The following GPHN variants were observed in gnomAD, a reference collection of about 807,000 sequenced individuals.
GPHN encodes the protein gephyrin.
GPHN carries 17 observed loss-of-function variants against 95.5 expected under a neutral mutation model. The observed-to-expected ratio is 0.18, with a 90% CI of 0.12 to 0.27. The LOEUF is 0.27. Among genes scored for constraint, GPHN ranks in the 10% least tolerant of loss-of-function variants. GPHN has a pLI of 1.00. For missense variants in GPHN, 660 were observed against 978.1 expected, an observed-to-expected ratio of 0.67 and a Z score of 4.34; for synonymous variants, 320 against 322.5, an observed-to-expected ratio of 0.99 and a Z score of 0.08.
At chr14:67,568,891 G>A in the GPHN span, 9,350 of 470,728 alleles carry the variant, frequency 0.02, 148 homozygotes, top group East Asian at 0.047. Context: ...TATTCCAGGT[G>A]TTAAATGCTT....
intron 3 of GPHN, among the ~76,000 whole-genome samples, chr14:66,808,372 C>T (rs1447743592): frequency 2.0e-5 from 3 of 152,084 alleles, no homozygotes; most frequent in African/African-American, 7.2e-5. Flanking sequence ...AACAGAAATT[C>T]CTAATTTTAA....
chr14:66,778,523 C>G (rs1446092486), intron 3 of GPHN, among the ~76,000 whole-genome samples: 1 of 151,868 alleles, frequency 6.6e-6, no homozygotes, highest in Non-Finnish European at 1.5e-5. Context: ...TTTTCAAAAG[C>G]AAGATTGAAT....
the GPHN span, among the ~76,000 whole-genome samples, chr14:67,328,292 G>A: frequency 6.6e-6 from 1 of 152,298 alleles, no homozygotes; most frequent in Non-Finnish European, 1.5e-5. Flanking sequence ...TTTGAGAAGT[G>A]TCTGTTCATA....
At chr14:67,453,313 T>C in the GPHN span, among the ~76,000 whole-genome samples, 1 of 152,092 alleles carries the variant, frequency 6.6e-6, no homozygotes, top group African/African-American at 2.4e-5. Flanking sequence ...TGCCAGCCAT[T>C]GTGCAAAGGA....
At chr14:66,733,017 C>G (rs1347304924) in intron 2 of GPHN, among the ~76,000 whole-genome samples, 1 of 152,094 alleles carries the variant, frequency 6.6e-6, no homozygotes, top group Non-Finnish European at 1.5e-5. Context: ...CTCTGGGTCC[C>G]CACCCATATC....
At chr14:66,990,381 G>C (rs1315507011) in intron 9 of GPHN, among the ~76,000 whole-genome samples, 1 of 152,138 alleles carries the variant, frequency 6.6e-6, no homozygotes, top group Non-Finnish European at 1.5e-5. Flanking sequence ...ATTTCAATTA[G>C]ATGAAAGAGT....
At chr14:67,461,848 T>C in the GPHN span, among the ~76,000 whole-genome samples, 1 of 152,150 alleles carries the variant, frequency 6.6e-6, no homozygotes, top group Non-Finnish European at 1.5e-5. Flanking sequence ...ACACCTGATG[T>C]CATTTTGTTT....
the GPHN span, among the ~76,000 whole-genome samples, chr14:67,428,284 G>T: frequency 6.6e-6 from 1 of 152,158 alleles, no homozygotes; most frequent in Non-Finnish European, 1.5e-5. Context: ...ACCTCTGACT[G>T]CTTCCAGTGC....
the GPHN span, among the ~76,000 whole-genome samples, chr14:67,264,633 G>T: frequency 6.6e-6 from 1 of 152,210 alleles, no homozygotes; most frequent in South Asian, 2.1e-4. Context: ...AATAAAATTT[G>T]TAAATGAATA....
intron 1 of GPHN, among the ~76,000 whole-genome samples, chr14:66,535,660 G>T (rs958046407): frequency 1.3e-5 from 2 of 152,102 alleles, no homozygotes; most frequent in Non-Finnish European, 2.9e-5. Context: ...GGTTTACAAT[G>T]TAGAGGTTTC....
At chr14:67,579,603 T>C in the GPHN span, 1 of 999,290 alleles carries the variant, frequency 1.0e-6, no homozygotes, top group South Asian at 1.7e-5. Flanking sequence ...CCAACTTGCT[T>C]TGGCCTTTTG....
At chr14:67,089,141 T>TC (rs2077043979) in intron 12 of GPHN, 66 bp downstream of exon 12, 1 of 393,258 alleles carries the variant, frequency 2.5e-6, no homozygotes, top group Non-Finnish European at 3.9e-6. Flanking sequence ...TTCTTTTTTT[T>TC]TTTTTTTTTT....
chr14:67,624,635 T>C, the GPHN span, among the ~76,000 whole-genome samples: 1 of 152,060 alleles, frequency 6.6e-6, no homozygotes, highest in African/African-American at 2.4e-5. Flanking sequence ...GCTGAACCAT[T>C]AGGAACAACC....
intron 2 of GPHN, among the ~76,000 whole-genome samples, chr14:66,696,110 G>A (rs1741135362): frequency 6.6e-6 from 1 of 152,138 alleles, no homozygotes; most frequent in Admixed American, 6.5e-5. Context: ...TGCAGTACAA[G>A]GGATATATGG....
chr14:67,671,292 G>A, the GPHN span, among the ~76,000 whole-genome samples: 2 of 152,132 alleles, frequency 1.3e-5, no homozygotes, highest in South Asian at 2.1e-4. Flanking sequence ...TTGGGAGGCC[G>A]TGGCGGGCAG....
chr14:67,054,147 A>G (rs1249210292), intron 10 of GPHN, among the ~76,000 whole-genome samples: 1 of 152,226 alleles, frequency 6.6e-6, no homozygotes, highest in Admixed American at 6.5e-5. Flanking sequence ...AAGCATATTC[A>G]GATAGGAAGA....
chr14:67,609,886 G>A, the GPHN span, among the ~76,000 whole-genome samples: 1 of 136,344 alleles, frequency 7.3e-6, no homozygotes, highest in Non-Finnish European at 1.5e-5. Flanking sequence ...CTGGAGAAAG[G>A]GCGAGTCTGC....
the GPHN span, chr14:67,589,220 C>A: frequency 2.7e-6 from 1 of 369,674 alleles, no homozygotes; most frequent in Non-Finnish European, 3.7e-6. Context: ...TGGGGTCAAT[C>A]TATTTCCCCC....
At chr14:67,031,546 C>A (rs1369625983) in intron 10 of GPHN, among the ~76,000 whole-genome samples, 1 of 152,028 alleles carries the variant, frequency 6.6e-6, no homozygotes, top group African/African-American at 2.4e-5. Flanking sequence ...TCTAAGTAAA[C>A]CAACTTATTC....
Sources: gnomAD v4.1 joint callset for allele counts (sites outside exome capture counted in the v4.1 genomes callset) on GRCh38, gnomAD v4.1.1 for gene constraint, MANE v1.5 for transcripts, NCBI Gene and HGNC (gene_info 2026-07-23, HGNC 2026-07-21) for gene names.